The following ENPEP variants were observed in gnomAD, a reference collection of about 807,000 sequenced individuals.
The protein encoded by ENPEP is AP-A.
In ENPEP, 103 loss-of-function variants were observed where a neutral mutation model predicts 114.5. The observed-to-expected ratio is 0.90, with a 90% CI of 0.77 to 1.06. ENPEP has a LOEUF of 1.06. Among genes scored for constraint, ENPEP ranks in the 50% least tolerant of loss-of-function variants. The probability of loss-of-function intolerance (pLI) is 0.00; values close to 1 mark genes in which losing one functional copy is unlikely to be tolerated. For missense variants in ENPEP, 1,196 were observed against 1,161.3 expected (o/e 1.03, Z -0.43); for synonymous variants, 420 against 422.0 (o/e 1.00, Z 0.06).
chr4:110,560,685 A>T (rs1191794064), intron 19 of ENPEP, among the ~76,000 whole-genome samples: 2 of 152,212 alleles, frequency 1.3e-5, no homozygotes, highest in Non-Finnish European at 2.9e-5. Flanking sequence ...AAGTTGGTCA[A>T]GATTTGATTC....
intron 11 of ENPEP, among the ~76,000 whole-genome samples, chr4:110,531,559 T>TTTCC (rs755022525): frequency 3.3e-5 from 5 of 151,964 alleles, no homozygotes; most frequent in African/African-American, 7.2e-5. Context: ...AATGTGTAAG[T>TTTCC]TTCCTTCCTT....
At chr4:110,510,979 G>A (rs1260913040) in intron 6 of ENPEP, among the ~76,000 whole-genome samples, 1 of 152,114 alleles carries the variant, frequency 6.6e-6, no homozygotes, top group Non-Finnish European at 1.5e-5. Flanking sequence ...GTCCCTCAGA[G>A]GCCTGGAATA....
intron 9 of ENPEP, 64 bp downstream of exon 9, chr4:110,520,137 T>A (rs1262136853): frequency 6.3e-7 from 1 of 1,596,316 alleles, no homozygotes; most frequent in Non-Finnish European, 8.6e-7. Flanking sequence ...TACCAATCAT[T>A]TTCTAATCTA....
intron 11 of ENPEP, among the ~76,000 whole-genome samples, chr4:110,541,810 T>C (rs1726856897): frequency 1.3e-5 from 2 of 152,168 alleles, no homozygotes. Context: ...TATGTTCCTA[T>C]ACCATTATTT....
rs1727785472 is a variant in ENPEP at position 110,565,108 on chromosome 4, T to C, written c.*3550T>C. On this transcript the variant is annotated 3_prime_UTR_variant, in exon 20 of 20. Transcript: ENST00000265162. ...TTGTTCTTTCTCCTCCTCCTTCCTC[T>C]ACTTCAGGGTTTAGCGACCTTTTGC... 1 of 152,238 alleles carries C rather than the reference T, an allele frequency of 6.6e-6. No homozygotes were observed. Among genetic ancestry groups the C allele is most frequent in the South Asian group, 2.1e-4 (1 of 4,832 alleles). The allele number at this position is 152,238 out of a possible 1,614,324, so 9.4% of individuals were successfully genotyped here.
chr4:110,491,533 G>A (rs991045770), intron 3 of ENPEP, among the ~76,000 whole-genome samples: 42 of 152,148 alleles, frequency 2.8e-4, no homozygotes, highest in African/African-American at 9.4e-4. Flanking sequence ...GAGAGAGGAG[G>A]AAACCTGAGG....
intron 3 of ENPEP, among the ~76,000 whole-genome samples, chr4:110,496,940 C>T (rs66877613): frequency 0.15 from 22,299 of 152,206 alleles, 1,759 homozygotes; most frequent in Middle Eastern, 0.29. Context: ...TTTTTAGAAG[C>T]AATCGCTAAA....
In ENPEP at chr4:110,488,626, A is replaced by G. The variant is rs760915460; in HGVS notation, c.730A>G (p.Thr244Ala). The change falls in exon 2 of 20, where the codon ACA becomes GCA. Residue 244 changes from threonine to alanine, a missense_variant. By Grantham distance (58) the Thr-to-Ala change is moderately conservative (BLOSUM62 0). Transcript: ENST00000265162. ...TGAGCCCAACAAAAAGGCAACTTATACAATATCTATCACCCATCCCAAAGA... is the reference window on the plus strand; with the variant it reads ...TGAGCCCAACAAAAAGGCAACTTATGCAATATCTATCACCCATCCCAAAGA... ...FDEPNKKATYTISITHPKEYG... is the reference protein window; with the variant it reads ...FDEPNKKATYAISITHPKEYG... 29 of 1,613,902 alleles carry G rather than the reference A, an allele frequency of 1.8e-5. No individual in the cohort carries two copies. The South Asian group carries it at 2.7e-4, about 15-fold the overall frequency.
At position 110,476,207 on chromosome 4, in the gene ENPEP, C is replaced by G. The variant is rs113262412; in HGVS notation, c.-208C>G. 191 of 565,042 alleles carry G rather than the reference C, an allele frequency of 3.4e-4. No individual in the cohort carries two copies. The highest frequency in any genetic ancestry group is 2.9e-3 in the African/African-American group (157 of 53,784). 35.0% of individuals were successfully genotyped at this position (565,042 alleles called of 1,614,324 possible). A position where few individuals can be genotyped will look rare whatever the true frequency, so the allele number is the denominator to read the frequency against. Reference sequence around the variant, plus strand: ...CTCTTACGGAGTCCTCATTCCACCCCCCTTGTTTCCGCATTCATCCTGAGT... The same window carrying G: ...CTCTTACGGAGTCCTCATTCCACCCGCCTTGTTTCCGCATTCATCCTGAGT... On this transcript the variant is annotated 5_prime_UTR_variant, in exon 1 of 20. Coordinates refer to ENST00000265162, the MANE Select transcript of ENPEP (RefSeq NM_001977.4).
intron 14 of ENPEP, among the ~76,000 whole-genome samples, chr4:110,549,027 G>C (rs895240063): frequency 1.3e-4 from 19 of 151,932 alleles, no homozygotes; most frequent in Non-Finnish European, 2.4e-4. Context: ...TTTCATATAT[G>C]CTTAAACAAT....
intron 1 of ENPEP, among the ~76,000 whole-genome samples, chr4:110,483,856 A>G (rs1248570083): frequency 1.3e-5 from 2 of 152,092 alleles, no homozygotes; most frequent in South Asian, 4.1e-4. Context: ...TGTGATCTAG[A>G]ATTGTTTTGT....
intron 3 of ENPEP, among the ~76,000 whole-genome samples, chr4:110,492,367 T>C (rs1724757141): frequency 6.6e-6 from 1 of 152,166 alleles, no homozygotes; most frequent in Non-Finnish European, 1.5e-5. Flanking sequence ...ATTCTGAAAA[T>C]ATCTTTACCT....
chr4:110,519,982 A>G (rs929771800), intron 8 of ENPEP, 26 bp from the exon 9 acceptor site: 1 of 1,601,350 alleles, frequency 6.2e-7, no homozygotes, highest in African/African-American at 1.3e-5. Context: ...TTGACTTCTA[A>G]CATGCTGATT....
intron 6 of ENPEP, chr4:110,513,211 T>C: frequency 2.4e-6 from 1 of 412,638 alleles, no homozygotes; most frequent in East Asian, 4.7e-5. Context: ...TGGGGGAAAA[T>C]TAAAAGGAAT....
chr4:110,490,076 G>GA (rs927236286), intron 2 of ENPEP, among the ~76,000 whole-genome samples: 11 of 152,160 alleles, frequency 7.2e-5, no homozygotes, highest in African/African-American at 1.9e-4. Context: ...AAGGTGGGGG[G>GA]AAAAAATGGC....
chr4:110,560,973 T>C (rs1290070192), intron 19 of ENPEP, among the ~76,000 whole-genome samples: 1 of 152,102 alleles, frequency 6.6e-6, no homozygotes, highest in East Asian at 1.9e-4. Flanking sequence ...TTAAGAAAGA[T>C]TTGTTTTATG....
intron 10 of ENPEP, among the ~76,000 whole-genome samples, chr4:110,523,582 T>G (rs995949102): frequency 9.9e-5 from 15 of 152,200 alleles, no homozygotes; most frequent in African/African-American, 3.6e-4. Context: ...ACCAACACTA[T>G]ATACAATATA....
intron 8 of ENPEP, chr4:110,515,721 A>T: frequency 1.9e-6 from 1 of 525,922 alleles, no homozygotes; most frequent in Non-Finnish European, 3.7e-6. Flanking sequence ...TTGGGCTGCC[A>T]TAAGGAAATA....
At chr4:110,551,812 C>T (rs982413354) in intron 17 of ENPEP, among the ~76,000 whole-genome samples, 2 of 152,146 alleles carry the variant, frequency 1.3e-5, no homozygotes, top group African/African-American at 4.8e-5. Context: ...AGAGTTCCTT[C>T]CCTTCCTCAT....
Sources: allele counts gnomAD v4.1 joint callset (sites outside exome capture counted in the v4.1 genomes callset), GRCh38; gene constraint gnomAD v4.1.1; transcripts MANE v1.5; gene names NCBI Gene and HGNC (gene_info 2026-07-23, HGNC 2026-07-21).